The following DGCR8 variants were observed in gnomAD, a reference collection of about 807,000 sequenced individuals.
DGCR8 encodes the protein microprocessor complex subunit DGCR8.
A neutral mutation model predicts 78.5 loss-of-function variants in DGCR8; 14 were observed. That is an observed-to-expected ratio of 0.18 (90% CI 0.12 to 0.28). DGCR8 has a LOEUF of 0.28. Among genes scored for constraint, DGCR8 ranks in the 10% least tolerant of loss-of-function variants. DGCR8 has a pLI of 1.00. For missense variants in DGCR8, 702 were observed against 1,022.5 expected, an observed-to-expected ratio of 0.69 and a Z score of 4.28; for synonymous variants, 399 against 402.4, an observed-to-expected ratio of 0.99 and a Z score of 0.10.
rs2049493610 is a variant in DGCR8, at chr22:20,087,078, CTGTT to C, written c.721-83_721-80del. ...CCCTGAGAGCACCTCCTTTCTGTGT[CTGTT>C]CTCAGGAATGCTGTTGAGCTCTCCT... On this transcript the variant is annotated intron_variant, in intron 2 of 13. Coordinates refer to ENST00000351989, the MANE Select transcript of DGCR8 (RefSeq NM_022720.7). The surrounding 1 kb of genome is among the most constrained non-coding windows in gnomAD (Gnocchi z 4.1). 6.6e-7 allele frequency: 1 copy of C among 1,508,492 alleles called. No homozygotes were observed. Among genetic ancestry groups the C allele is most frequent in the Non-Finnish European group, 8.9e-7 (1 of 1,118,936 alleles). The allele number at this position is 1,508,492 out of a possible 1,614,324, so 93.4% of individuals were successfully genotyped here. A position where few individuals can be genotyped will look rare whatever the true frequency, so the allele number is the denominator to read the frequency against.
intron 7 of DGCR8, 38 bp downstream of exon 7, chr22:20,092,008 A>G: frequency 1.3e-6 from 2 of 1,541,498 alleles, no homozygotes; most frequent in Non-Finnish European, 8.9e-7. Context: ...CTAAAGAATC[A>G]CAAGGTGTAA....
At chr22:20,081,739 A>G (rs1332106943) in intron 1 of DGCR8, among the ~76,000 whole-genome samples, 5 of 152,078 alleles carry the variant, frequency 3.3e-5, no homozygotes, top group Admixed American at 6.5e-5. Flanking sequence ...CACCTCTTCC[A>G]TATCTCCATG....
intron 8 of DGCR8, among the ~76,000 whole-genome samples, 169 bp downstream of exon 8, chr22:20,093,076 A>C (rs2049585522): frequency 6.6e-6 from 1 of 152,076 alleles, no homozygotes; most frequent in African/African-American, 2.4e-5. Context: ...TGCTCATTGG[A>C]AAAGACTCAA....
chr22:20,108,835 G>A, intron 12 of DGCR8, 55 bp from the exon 13 acceptor site: 3 of 796,500 alleles, frequency 3.8e-6, no homozygotes, highest in East Asian at 6.7e-5. Flanking sequence ...TGGGCAGCGG[G>A]CAGGCCGTAG....
At chr22:20,107,040 TTGAG>T in intron 11 of DGCR8, 1 of 587,446 alleles carries the variant, frequency 1.7e-6, no homozygotes, top group South Asian at 2.0e-5. Flanking sequence ...CTGCGTGGCT[TTGAG>T]TGGTAGTGTC....
chr22:20,107,608 G>A, intron 12 of DGCR8: 1 of 600,020 alleles, frequency 1.7e-6, no homozygotes, highest in Non-Finnish European at 2.9e-6. Flanking sequence ...GGTCAGTGAA[G>A]TGTGGGTGAT....
chr22:20,102,181 C>A, intron 9 of DGCR8: 1 of 531,344 alleles, frequency 1.9e-6, no homozygotes, highest in South Asian at 8.2e-5. Flanking sequence ...GTAACCAACA[C>A]TGCAATCAAG....
intron 13 of DGCR8, 167 bp downstream of exon 13, chr22:20,109,170 T>G: frequency 1.9e-6 from 1 of 529,642 alleles, no homozygotes; most frequent in Non-Finnish European, 3.5e-6. Flanking sequence ...ACATGTGTGA[T>G]AGTTTTATAA....
Position 20,106,208 on chromosome 22 carries a change from G to A in DGCR8, c.1820G>A (p.Arg607Gln). Residue 607 changes from arginine to glutamine, a missense_variant, in exon 10 of 14, where the codon CGG (arginine) becomes CAG (glutamine). By Grantham distance (43) the Arg-to-Gln change is conservative. Around this residue, in one of 4 missense-constraint regions of DGCR8, gnomAD observed 225 missense variants for 427.7 expected, o/e 0.53. Transcript: ENST00000351989. Reference protein sequence around the residue: ...YFNHISIEDSRVYELTSKAGL... With the variant: ...YFNHISIEDSQVYELTSKAGL... ...AACCACATCAGCATCGAGGACTCGC[G>A]GGTCTACGAGCTGACCAGCAAGGCT... The A allele has an allele frequency of 6.2e-7, 1 of 1,614,006 alleles. No homozygotes were observed. The highest frequency in any genetic ancestry group is 8.5e-7 in the Non-Finnish European group (1 of 1,180,028).
intron 9 of DGCR8, chr22:20,100,265 C>A: frequency 4.0e-6 from 3 of 758,908 alleles, no homozygotes; most frequent in Non-Finnish European, 4.8e-6. Flanking sequence ...TGGGGTTTCA[C>A]CGTGTTGGCC....
At chr22:20,098,240 C>T (rs1209004887) in intron 9 of DGCR8, among the ~76,000 whole-genome samples, 1 of 152,040 alleles carries the variant, frequency 6.6e-6, no homozygotes, top group African/African-American at 2.4e-5. Flanking sequence ...ATCTGCCCAC[C>T]TCAGCCTCCC....
intron 9 of DGCR8, among the ~76,000 whole-genome samples, chr22:20,098,827 A>G (rs141838475): frequency 1.3e-5 from 2 of 152,310 alleles, no homozygotes; most frequent in Non-Finnish European, 2.9e-5. Flanking sequence ...GCCCTACCCT[A>G]ATGACCTCAT....
intron 5 of DGCR8, 101 bp downstream of exon 5, chr22:20,090,359 T>G (rs1038105737): frequency 2.2e-5 from 30 of 1,358,114 alleles, no homozygotes; most frequent in Non-Finnish European, 3.0e-5. Context: ...GTTGTACTTG[T>G]GAGCAAGGGG....
chr22:20,107,533 G>T, intron 12 of DGCR8, 135 bp downstream of exon 12: 1 of 1,092,900 alleles, frequency 9.1e-7, no homozygotes, highest in Non-Finnish European at 1.3e-6. Context: ...TGGGCCACTT[G>T]TGTGGCTTTG....
intron 9 of DGCR8, among the ~76,000 whole-genome samples, chr22:20,097,062 T>A (rs2049637044): frequency 6.6e-6 from 1 of 152,246 alleles, no homozygotes; most frequent in Admixed American, 6.5e-5. Context: ...TGTTGCTGGA[T>A]TCATTTTGCT....
chr22:20,102,062 T>A, intron 9 of DGCR8: 1 of 985,228 alleles, frequency 1.0e-6, no homozygotes, highest in Non-Finnish European at 1.2e-6. Flanking sequence ...AATTTAGGTA[T>A]TAGTGACCAA....
At chr22:20,096,928 C>G (rs987539834) in intron 9 of DGCR8, among the ~76,000 whole-genome samples, 1 of 151,964 alleles carries the variant, frequency 6.6e-6, no homozygotes, top group African/African-American at 2.4e-5. Flanking sequence ...TTCAGATGAT[C>G]ATGTTTTTTT....
chr22:20,087,289 C>T lies in DGCR8; in HGVS notation c.848C>T (p.Pro283Leu). ...TCCGATGGAGAGACAAGTGTGCAGCCGATGATGACCAAGATTAAAACAGTG... is the reference window on the plus strand; with the variant it reads ...TCCGATGGAGAGACAAGTGTGCAGCTGATGATGACCAAGATTAAAACAGTG... ...HPSDGETSVQ[P>L]MMTKIKTVLK... The change falls in exon 3 of 14, where the codon CCG becomes CTG. Residue 283 changes from proline to leucine, a missense_variant. Coordinates refer to ENST00000351989, the MANE Select transcript of DGCR8 (RefSeq NM_022720.7). This position sits in a 1 kb window ranked among gnomAD's most constrained non-coding sequence, Gnocchi z 4.1. 2 of 1,612,874 alleles carry T rather than the reference C, an allele frequency of 1.2e-6. No individual in the cohort carries two copies. Among genetic ancestry groups the T allele is most frequent in the Non-Finnish European group, 1.7e-6 (2 of 1,179,260 alleles).
At chr22:20,105,501 C>A (rs1486776192) in intron 9 of DGCR8, among the ~76,000 whole-genome samples, 1 of 152,242 alleles carries the variant, frequency 6.6e-6, no homozygotes, top group Non-Finnish European at 1.5e-5. Context: ...TCTGGGAAGG[C>A]ACAGTGGGCA....
Sources: gnomAD v4.1 joint callset for allele counts (sites outside exome capture counted in the v4.1 genomes callset) on GRCh38, gnomAD v4.1.1 for gene constraint, gnomAD v4.1.1 regional missense constraint, Gnocchi (gnomAD v3.1) non-coding constraint, MANE v1.5 for transcripts, NCBI Gene and HGNC (gene_info 2026-07-23, HGNC 2026-07-21) for gene names.